Variants in ST7 observed in about 807,000 individuals in gnomAD.
ST7 encodes the protein suppressor of tumorigenicity 7 protein.
In ST7, 28 loss-of-function variants were observed where a neutral mutation model predicts 78.7. That is an observed-to-expected ratio of 0.36 (90% CI 0.26 to 0.49). The LOEUF is 0.49. ST7 is among the 20% of genes least tolerant of loss of function. The pLI is 0.99. For missense variants in ST7, 418 were observed against 696.0 expected, an observed-to-expected ratio of 0.60 and a Z score of 4.49; for synonymous variants, 247 against 249.6, an observed-to-expected ratio of 0.99 and a Z score of 0.10.
chr7:117,190,969 A>G lies in ST7; in HGVS notation c.1254+33A>G. On this transcript the variant is annotated intron_variant, in intron 12 of 15. Transcript: ENST00000323984. This position sits in a 1 kb window ranked among gnomAD's most constrained non-coding sequence, Gnocchi z 5.2. ...TGTGGAATCCCCACAGGAACTCGTTATGATAGCAGAGAAAGCATTCATTGA... is the reference window on the plus strand; with the variant it reads ...TGTGGAATCCCCACAGGAACTCGTTGTGATAGCAGAGAAAGCATTCATTGA... 6.5e-7 allele frequency: 1 copy of G among 1,534,692 alleles called. No individual in the cohort carries two copies. The highest frequency in any genetic ancestry group is 9.0e-7 in the Non-Finnish European group (1 of 1,107,692).
intron 10 of ST7, among the ~76,000 whole-genome samples, chr7:117,173,813 C>G (rs1808173383): frequency 6.6e-6 from 1 of 152,060 alleles, no homozygotes; most frequent in Admixed American, 6.5e-5. Flanking sequence ...ATTACATTTG[C>G]TAGGTGGCTG....
chr7:117,078,619 A>G (rs917399511), intron 1 of ST7, among the ~76,000 whole-genome samples: 1 of 152,242 alleles, frequency 6.6e-6, no homozygotes, highest in African/African-American at 2.4e-5. Context: ...TGTCAGCCAC[A>G]TGGTAGCAAG....
intron 1 of ST7, among the ~76,000 whole-genome samples, chr7:116,977,726 G>T (rs1793767812): frequency 6.6e-6 from 1 of 152,034 alleles, no homozygotes; most frequent in Non-Finnish European, 1.5e-5. Flanking sequence ...TAATTTTTTT[G>T]TATCTTTAGT....
intron 1 of ST7, among the ~76,000 whole-genome samples, chr7:117,028,724 A>G (rs1192204486): frequency 2.0e-5 from 3 of 152,202 alleles, no homozygotes; most frequent in Admixed American, 2.0e-4. Context: ...ACTGGACTCC[A>G]TTGGTGGTTC....
intron 12 of ST7, among the ~76,000 whole-genome samples, chr7:117,194,306 C>A (rs1698583293): frequency 6.6e-6 from 1 of 152,176 alleles, no homozygotes; most frequent in South Asian, 2.1e-4. Flanking sequence ...TCTGACCCAA[C>A]TTGTTTTTCA....
chr7:117,021,207 T>C (rs932193865), intron 1 of ST7, among the ~76,000 whole-genome samples: 3 of 152,154 alleles, frequency 2.0e-5, no homozygotes, highest in Non-Finnish European at 4.4e-5. Flanking sequence ...CAGGATCATA[T>C]CTTTTTAAAA....
intron 1 of ST7, among the ~76,000 whole-genome samples, chr7:117,003,797 G>A (rs539782077): frequency 4.6e-5 from 7 of 152,200 alleles, no homozygotes; most frequent in South Asian, 4.1e-4. Flanking sequence ...CATAGGAAGG[G>A]GTTTTGAGTT....
At chr7:117,160,243 A>AAAAG (rs915033233) in intron 9 of ST7, among the ~76,000 whole-genome samples, 250 of 150,582 alleles carry the variant, frequency 1.7e-3, no homozygotes, top group African/African-American at 5.9e-3. Flanking sequence ...AAAAAAAAAA[A>AAAAG]AAAGAAAGAA....
chr7:117,013,498 CTGAG>C (rs1795468679), intron 1 of ST7, among the ~76,000 whole-genome samples: 1 of 152,140 alleles, frequency 6.6e-6, no homozygotes, highest in African/African-American at 2.4e-5. Context: ...GATTAGACGA[CTGAG>C]TGAAATGGTA....
In ST7 at chr7:117,090,413, G is replaced by A. The variant is rs77614101; in HGVS notation, c.152-9349G>A. 7.2e-3 allele frequency among the ~76,000 whole-genome samples: 1,099 copies of A among 152,258 alleles called. 14 individuals carry two copies. Among genetic ancestry groups the A allele is most frequent in the African/African-American group, 0.024 (978 of 41,562 alleles). ...ACTCTGCCCCTTGTAGTCATTTAGCGTTTATCAAACATTGAGTACTGTGTG... is the reference window on the plus strand; with the variant it reads ...ACTCTGCCCCTTGTAGTCATTTAGCATTTATCAAACATTGAGTACTGTGTG... On this transcript the variant is annotated intron_variant, in intron 1 of 15. Coordinates refer to ENST00000323984, the MANE Select transcript of ST7 (RefSeq NM_001369598.1).
intron 1 of ST7, among the ~76,000 whole-genome samples, chr7:116,980,155 C>T (rs998873841): frequency 6.6e-6 from 1 of 151,850 alleles, no homozygotes; most frequent in Non-Finnish European, 1.5e-5. Flanking sequence ...GACGGAGTTT[C>T]GCCATGTTGG....
intron 1 of ST7, among the ~76,000 whole-genome samples, chr7:116,990,270 G>A (rs1380243066): frequency 6.6e-6 from 1 of 152,156 alleles, no homozygotes; most frequent in East Asian, 1.9e-4. Flanking sequence ...TAGAGTGAGT[G>A]AGTAAGTGAA....
intron 1 of ST7, among the ~76,000 whole-genome samples, chr7:117,007,550 A>T (rs780873585): frequency 6.6e-6 from 1 of 152,254 alleles, no homozygotes; most frequent in Non-Finnish European, 1.5e-5. Flanking sequence ...GCAAATTATC[A>T]AGAAGGTCTA....
At chr7:117,060,070 G>A (rs1798271868) in intron 1 of ST7, among the ~76,000 whole-genome samples, 1 of 152,032 alleles carries the variant, frequency 6.6e-6, no homozygotes, top group African/African-American at 2.4e-5. Flanking sequence ...ACCATTTTTA[G>A]GATTTGTCTG....
chr7:117,203,938 A>ATATT (rs1811098583), intron 12 of ST7, among the ~76,000 whole-genome samples: 1 of 152,188 alleles, frequency 6.6e-6, no homozygotes, highest in Non-Finnish European at 1.5e-5. Flanking sequence ...GGGCCTTCGC[A>ATATT]TATTTTTTGA....
intron 1 of ST7, among the ~76,000 whole-genome samples, chr7:117,065,924 C>T (rs566872093): frequency 7.2e-5 from 11 of 152,200 alleles, no homozygotes; most frequent in East Asian, 1.9e-4. Flanking sequence ...ACCATGGTTC[C>T]TGAAATACCT....
intron 1 of ST7, among the ~76,000 whole-genome samples, chr7:117,018,992 C>A (rs1252411238): frequency 6.6e-6 from 1 of 152,134 alleles, no homozygotes; most frequent in Non-Finnish European, 1.5e-5. Context: ...GAGGTAGATC[C>A]TACATATACT....
At chr7:117,031,896 T>TGGCAATGGAGTCTTGC (rs1796616569) in intron 1 of ST7, among the ~76,000 whole-genome samples, 3 of 127,088 alleles carry the variant, frequency 2.4e-5, no homozygotes, top group Non-Finnish European at 3.5e-5. Flanking sequence ...TTTTTTTTTT[T>TGGCAATGGAGTCTTGC]TTGGCAATGG....
intron 12 of ST7, among the ~76,000 whole-genome samples, chr7:117,192,382 T>G (rs191522759): frequency 6.6e-6 from 1 of 152,336 alleles, no homozygotes; most frequent in East Asian, 1.9e-4. Context: ...CTGTCATTTA[T>G]CAGCCATTGG....
Sources: gnomAD v4.1 joint callset for allele counts (sites outside exome capture counted in the v4.1 genomes callset) on GRCh38, gnomAD v4.1.1 for gene constraint, Gnocchi (gnomAD v3.1) non-coding constraint, MANE v1.5 for transcripts, NCBI Gene and HGNC (gene_info 2026-07-23, HGNC 2026-07-21) for gene names.